MITF: variants seen among roughly 807,000 people sequenced by gnomAD.
MITF encodes the protein melanocyte inducing transcription factor, also known as microphthalmia-associated transcription factor.
Under a neutral mutation model 60.5 loss-of-function variants are expected in MITF, and 17 were observed. The ratio of observed to expected loss-of-function variants is 0.28; its 90% CI spans 0.19 to 0.42. The LOEUF is 0.42. MITF is among the 10% of genes least tolerant of loss of function. The probability of loss-of-function intolerance (pLI) is 1.00; values close to 1 mark genes in which losing one functional copy is unlikely to be tolerated. For missense variants in MITF, 622 were observed against 683.5 expected (o/e 0.91, Z 1.00); for synonymous variants, 260 against 248.5 (o/e 1.05, Z -0.43).
intron 1 of MITF, among the ~76,000 whole-genome samples, chr3:69,869,658 G>T (rs566755444): frequency 3.3e-5 from 5 of 152,206 alleles, no homozygotes; most frequent in South Asian, 4.1e-4. Flanking sequence ...CAGTGTTTTG[G>T]ATGGAATCAA....
chr3:69,815,901 A>G (rs960815937), intron 1 of MITF, among the ~76,000 whole-genome samples: 2 of 152,024 alleles, frequency 1.3e-5, no homozygotes, highest in African/African-American at 4.8e-5. Flanking sequence ...CTGTCTTTAA[A>G]TTTTCTGAGA....
chr3:69,759,789 T>C (rs1249535595), intron 1 of MITF, among the ~76,000 whole-genome samples: 2 of 152,178 alleles, frequency 1.3e-5, no homozygotes, highest in Non-Finnish European at 2.9e-5. Flanking sequence ...CGCTCTCTTT[T>C]TTTTTTGAGA....
intron 1 of MITF, among the ~76,000 whole-genome samples, chr3:69,818,776 T>A (rs1217166162): frequency 2.0e-5 from 3 of 152,198 alleles, no homozygotes; most frequent in Non-Finnish European, 4.4e-5. Flanking sequence ...ATGAACATTT[T>A]CATAAAATAT....
rs2107276957 is a variant in MITF, at chr3:69,879,242, G to A, written c.213G>A (p.Gln71=). ...QQLMREQMQE[Q]ERREQQQKLQ... ...TCATGCGTGAGCAGATGCAGGAGCA[G>A]GAGCGCAGGGAGCAGCAGCAGAAGC... The change falls in exon 2 of 10, where the codon CAG becomes CAA. Residue 71 remains glutamine (Q), a synonymous_variant. Transcript: ENST00000352241. 2 of 1,614,242 alleles carry A rather than the reference G, an allele frequency of 1.2e-6. No homozygotes were observed. Among genetic ancestry groups the A allele is most frequent in the Admixed American group, 3.3e-5 (2 of 60,030 alleles).
chr3:69,935,891 T>C (rs2065822211), intron 2 of MITF, among the ~76,000 whole-genome samples: 1 of 152,198 alleles, frequency 6.6e-6, no homozygotes, highest in Non-Finnish European at 1.5e-5. Flanking sequence ...ATATGATAAC[T>C]CATTCTTCTG....
intron 1 of MITF, among the ~76,000 whole-genome samples, chr3:69,788,208 A>T (rs918078920): frequency 1.3e-5 from 2 of 150,876 alleles, no homozygotes; most frequent in Non-Finnish European, 2.9e-5. Flanking sequence ...ATATGTATAC[A>T]TGTGCCATGT....
intron 2 of MITF, among the ~76,000 whole-genome samples, chr3:69,898,780 A>G (rs1011536382): frequency 6.6e-6 from 1 of 152,194 alleles, no homozygotes; most frequent in African/African-American, 2.4e-5. Context: ...TGGAAAGAAC[A>G]GGTTTGGGAG....
intron 1 of MITF, among the ~76,000 whole-genome samples, chr3:69,802,776 C>T (rs2062943708): frequency 6.7e-6 from 1 of 149,144 alleles, no homozygotes; most frequent in Non-Finnish European, 1.5e-5. Context: ...ACTGCAATCT[C>T]CGCCTCCTAG....
chr3:69,801,226 G>A (rs1277160963), intron 1 of MITF, among the ~76,000 whole-genome samples: 1 of 151,956 alleles, frequency 6.6e-6, no homozygotes, highest in African/African-American at 2.4e-5. Context: ...AAAATATCAG[G>A]ACTAAAGGCC....
At chr3:69,785,292 C>G (rs1363439257) in intron 1 of MITF, among the ~76,000 whole-genome samples, 1 of 142,622 alleles carries the variant, frequency 7.0e-6, no homozygotes, top group Non-Finnish European at 1.6e-5. Flanking sequence ...GCAGCAGCAG[C>G]AGTAATTTAA....
intron 5 of MITF, 22 bp from the exon 6 acceptor site, chr3:69,949,029 G>A (rs1425896058): frequency 2.0e-6 from 3 of 1,517,470 alleles, no homozygotes; most frequent in Non-Finnish European, 2.7e-6. Flanking sequence ...GTTAATTTCT[G>A]TTACTGTTTG....
chr3:69,895,848 G>GT (rs60449544), intron 2 of MITF, among the ~76,000 whole-genome samples: 48 of 139,704 alleles, frequency 3.4e-4, no homozygotes, highest in Non-Finnish European at 7.3e-4. Flanking sequence ...GTGTGTGTGT[G>GT]TATGTGTGTG....
intron 1 of MITF, among the ~76,000 whole-genome samples, chr3:69,786,282 C>T (rs1010283943): frequency 2.6e-5 from 4 of 152,190 alleles, no homozygotes; most frequent in African/African-American, 9.7e-5. Flanking sequence ...TGCCTGGTGC[C>T]TGGTGACCTT....
chr3:69,938,940 A>G, intron 3 of MITF, 158 bp from the exon 4 acceptor site: 2 of 1,509,668 alleles, frequency 1.3e-6, no homozygotes, highest in East Asian at 2.5e-5. Flanking sequence ...ATGATTTGAC[A>G]CAAGTTCTTC....
At chr3:69,754,528 A>G (rs1704056231) in intron 1 of MITF, among the ~76,000 whole-genome samples, 1 of 152,076 alleles carries the variant, frequency 6.6e-6, no homozygotes, top group Non-Finnish European at 1.5e-5. Flanking sequence ...GCCTTCTGCC[A>G]TGATTGTAAC....
At chr3:69,845,648 A>C (rs1215107121) in intron 1 of MITF, among the ~76,000 whole-genome samples, 1 of 151,946 alleles carries the variant, frequency 6.6e-6, no homozygotes, top group Non-Finnish European at 1.5e-5. Context: ...TAGCCTTTAG[A>C]TGTGTTTGTG....
chr3:69,940,519 C>G (rs1375208079), intron 4 of MITF, among the ~76,000 whole-genome samples: 1 of 152,168 alleles, frequency 6.6e-6, no homozygotes, highest in African/African-American at 2.4e-5. Flanking sequence ...AATGTCAGCT[C>G]CACGACTGTA....
chr3:69,941,033 A>G (rs1228490502), intron 4 of MITF, among the ~76,000 whole-genome samples: 1 of 152,214 alleles, frequency 6.6e-6, no homozygotes, highest in Non-Finnish European at 1.5e-5. Context: ...TACAAGTATT[A>G]TCCTCATCAC....
At chr3:69,928,792 C>T (rs2065650610) in intron 2 of MITF, among the ~76,000 whole-genome samples, 1 of 152,096 alleles carries the variant, frequency 6.6e-6, no homozygotes, top group Non-Finnish European at 1.5e-5. Context: ...GGTTTGTGTC[C>T]ATGGACTGCC....
Sources: allele counts gnomAD v4.1 joint callset (sites outside exome capture counted in the v4.1 genomes callset), GRCh38; gene constraint gnomAD v4.1.1; transcripts MANE v1.5; gene names NCBI Gene and HGNC (gene_info 2026-07-23, HGNC 2026-07-21).